RUNX1: variants seen among roughly 807,000 people sequenced by gnomAD.
The protein encoded by RUNX1 is RUNX family transcription factor 1.
RUNX1 carries 19 observed loss-of-function variants against 42.8 expected under a neutral mutation model. The observed-to-expected ratio is 0.44, with a 90% CI of 0.31 to 0.65. RUNX1 has a LOEUF of 0.65. Ranked by LOEUF, RUNX1 falls within the 30% of genes least tolerant of loss-of-function variation. The probability of loss-of-function intolerance (pLI) is 0.07; values close to 1 mark genes in which losing one functional copy is unlikely to be tolerated. For missense variants in RUNX1, 528 were observed against 672.0 expected, an observed-to-expected ratio of 0.79 and a Z score of 2.37; for synonymous variants, 271 against 289.4, an observed-to-expected ratio of 0.94 and a Z score of 0.64.
At chr21:34,947,751 A>G (rs953239107) in intron 2 of RUNX1, among the ~76,000 whole-genome samples, 2 of 152,244 alleles carry the variant, frequency 1.3e-5, no homozygotes, top group Non-Finnish European at 2.9e-5. Flanking sequence ...GGTCCGCCAC[A>G]GTCTGAAGGG....
At chr21:34,918,059 C>T (rs1018620218) in intron 2 of RUNX1, among the ~76,000 whole-genome samples, 4 of 135,574 alleles carry the variant, frequency 3.0e-5, no homozygotes, top group Admixed American at 8.6e-5. Flanking sequence ...ATCCGGGAGG[C>T]GGAGATTGCA....
intron 2 of RUNX1, among the ~76,000 whole-genome samples, chr21:34,896,850 T>G (rs1172726653): frequency 6.6e-6 from 1 of 151,918 alleles, no homozygotes; most frequent in Non-Finnish European, 1.5e-5. Flanking sequence ...TTCAGTTGAG[T>G]GGCAGCAGCA....
rs1044740668 is a variant in RUNX1, at chr21:34,789,697, T to C, written c.*2438A>G. 1 of 233,156 alleles carries C rather than the reference T, an allele frequency of 4.3e-6. No homozygotes were observed. The highest frequency in any genetic ancestry group is 8.5e-6 in the Non-Finnish European group (1 of 118,082). 14.4% of individuals were successfully genotyped at this position (233,156 alleles called of 1,614,324 possible). On this transcript the variant is annotated 3_prime_UTR_variant, in exon 9 of 9. Transcript: ENST00000675419. ...TTTTGAAACAATTAAATACTATATA[T>C]GCTGGTAAGAGTCTGTGAAACTCTA...
chr21:34,946,601 A>G, intron 2 of RUNX1, among the ~76,000 whole-genome samples: 1 of 152,198 alleles, frequency 6.6e-6, no homozygotes, highest in East Asian at 1.9e-4. Context: ...AGAGGGTCTC[A>G]TAGCAATACA....
At chr21:34,853,647 A>G (rs1056322219) in intron 6 of RUNX1, among the ~76,000 whole-genome samples, 3 of 152,210 alleles carry the variant, frequency 2.0e-5, no homozygotes, top group African/African-American at 7.2e-5. Context: ...GTGTTGGGCA[A>G]ATAACACTAT....
intron 7 of RUNX1, among the ~76,000 whole-genome samples, chr21:34,815,641 C>T (rs1354024681): frequency 3.3e-5 from 5 of 152,130 alleles, no homozygotes; most frequent in African/African-American, 1.2e-4. Flanking sequence ...CACAGGGGCA[C>T]ATCTGCACAC....
intron 2 of RUNX1, among the ~76,000 whole-genome samples, chr21:34,943,600 G>A (rs1180473579): frequency 1.3e-5 from 2 of 152,118 alleles, no homozygotes; most frequent in East Asian, 1.9e-4. Context: ...AGTCAGTCCC[G>A]GTGTGGGGTC....
intron 3 of RUNX1, chr21:34,887,334 G>C (rs945853289): frequency 1.4e-6 from 2 of 1,445,406 alleles, no homozygotes; most frequent in Non-Finnish European, 1.8e-6. Context: ...ATCGGCCTCT[G>C]ACCCAGGATG....
At chr21:34,874,995 G>C (rs1300953091) in intron 5 of RUNX1, among the ~76,000 whole-genome samples, 1 of 152,156 alleles carries the variant, frequency 6.6e-6, no homozygotes, top group Non-Finnish European at 1.5e-5. Flanking sequence ...GTTGAGGGTG[G>C]GTGGAGAGAA....
chr21:34,869,527 T>C lies in RUNX1; in HGVS notation c.509-9949A>G, dbSNP rs554006310. Among the ~76,000 whole-genome samples the C allele has an allele frequency of 6.6e-5, 10 of 152,278 alleles. No individual in the cohort carries two copies. The East Asian group carries it at 1.9e-3, about 29-fold the overall frequency. ...CAATGGGTTCGGTGTAATCTAGAGT[T>C]CAGGGATTTGGCCAGAATGCAAGAT... On this transcript the variant is annotated intron_variant, in intron 5 of 8. Transcript: ENST00000675419.
chr21:35,026,934 C>A (rs1216101307), intron 2 of RUNX1, among the ~76,000 whole-genome samples: 1 of 152,230 alleles, frequency 6.6e-6, no homozygotes, highest in Non-Finnish European at 1.5e-5. Context: ...GCTCTCGCAA[C>A]CCTGCTTTAA....
rs143057741 is a variant in RUNX1 at position 34,918,775 on chromosome 21, G to C, written c.59-25812C>G. Among the ~76,000 whole-genome samples the C allele has an allele frequency of 6.4e-4, 97 of 152,276 alleles. 3 individuals are homozygous for C. In the East Asian group the frequency reaches 0.017, roughly 27 times the overall value. ...ATACAAAAATTAGCTGGGCATAGTG[G>C]TGTGCCTGTAGTCCCAGCTACTGGG... is the stretch of plus-strand genomic sequence containing the variant. On this transcript the variant is annotated intron_variant, in intron 2 of 8. Coordinates refer to ENST00000675419, the MANE Select transcript of RUNX1 (RefSeq NM_001754.5).
At chr21:35,014,881 C>T (rs2146924732) in intron 2 of RUNX1, among the ~76,000 whole-genome samples, 2 of 152,376 alleles carry the variant, frequency 1.3e-5, no homozygotes, top group South Asian at 4.1e-4. Flanking sequence ...TCTCCCTTGG[C>T]AGCACATGGT....
chr21:34,998,776 C>T (rs1462565086), intron 2 of RUNX1, among the ~76,000 whole-genome samples: 4 of 152,138 alleles, frequency 2.6e-5, no homozygotes, highest in Admixed American at 6.5e-5. Flanking sequence ...CTCCTGACCT[C>T]GTGATCCGCC....
chr21:34,856,320 C>A (rs2057494480), intron 6 of RUNX1: 1 of 518,020 alleles, frequency 1.9e-6, no homozygotes, highest in Non-Finnish European at 3.9e-6. Context: ...GGCTCCACAC[C>A]TGCAATGAGG....
chr21:34,887,207 C>A lies in RUNX1; in HGVS notation c.98-111G>T, dbSNP rs549218379. On this transcript the variant is annotated intron_variant, in intron 3 of 8. Coordinates refer to ENST00000675419, the MANE Select transcript of RUNX1 (RefSeq NM_001754.5). Reference sequence around the variant, plus strand: ...CAGCAAGCAGCTCCCGGGAGACCAACATACACGTTCAGGGGCCTTTATTAC... The same window carrying A: ...CAGCAAGCAGCTCCCGGGAGACCAAAATACACGTTCAGGGGCCTTTATTAC... The A allele has an allele frequency of 5.3e-4, 739 of 1,399,164 alleles. 6 individuals carry two copies. The East Asian group carries it at 0.016, about 30-fold the overall frequency. 86.7% of individuals were successfully genotyped at this position (1,399,164 alleles called of 1,614,324 possible).
chr21:34,950,983 T>C (rs1157550544), intron 2 of RUNX1, among the ~76,000 whole-genome samples: 1 of 152,250 alleles, frequency 6.6e-6, no homozygotes, highest in African/African-American at 2.4e-5. Flanking sequence ...GTGCTACTGA[T>C]GTAGTGCTCT....
intron 5 of RUNX1, among the ~76,000 whole-genome samples, chr21:34,864,139 C>T: frequency 6.6e-6 from 1 of 152,254 alleles, no homozygotes; most frequent in Non-Finnish European, 1.5e-5. Context: ...CGTGGCCCTG[C>T]CCTCTCTGTG....
At chr21:34,910,383 GTT>G (rs780634350) in intron 2 of RUNX1, among the ~76,000 whole-genome samples, 13 of 144,898 alleles carry the variant, frequency 9.0e-5, no homozygotes, top group African/African-American at 2.8e-4. Flanking sequence ...TTTCAGAACT[GTT>G]TTTTTTTTTT....
Sources: gnomAD v4.1 joint callset for allele counts (sites outside exome capture counted in the v4.1 genomes callset) on GRCh38, gnomAD v4.1.1 for gene constraint, MANE v1.5 for transcripts, NCBI Gene and HGNC (gene_info 2026-07-23, HGNC 2026-07-21) for gene names.